Variants in SIPA1L2 observed in about 807,000 individuals in gnomAD.
SIPA1L2 encodes signal induced proliferation associated 1 like 2, also known as signal-induced proliferation-associated 1-like protein 2.
In SIPA1L2, 56 loss-of-function variants were observed where a neutral mutation model predicts 163.9. The ratio of observed to expected loss-of-function variants is 0.34; its 90% CI spans 0.28 to 0.43. The LOEUF (loss-of-function observed/expected upper bound fraction) is 0.43, where lower values mean the gene tolerates loss of function less well. SIPA1L2 is among the 20% of genes least tolerant of loss of function. SIPA1L2 has a pLI of 1.00. For synonymous variants in SIPA1L2, 877 were observed against 865.7 expected, an observed-to-expected ratio of 1.01 and a Z score of -0.23; for missense variants, 1,974 against 2,193.5, an observed-to-expected ratio of 0.90 and a Z score of 2.00.
In SIPA1L2 at chr1:232,478,340, C is replaced by T. The variant is rs576051718; in HGVS notation, c.2085+1287G>A. On this transcript the variant is annotated intron_variant, in intron 7 of 22. Coordinates refer to ENST00000674635, the MANE Select transcript of SIPA1L2 (RefSeq NM_020808.5). Reference sequence around the variant, plus strand: ...ATGAGATGGAAAATGGCAAGAAAATCCAGCTAGCAGTTACCATGAGAAGAG... The same window carrying T: ...ATGAGATGGAAAATGGCAAGAAAATTCAGCTAGCAGTTACCATGAGAAGAG... Among the ~76,000 whole-genome samples the T allele has an allele frequency of 7.2e-5, 11 of 152,174 alleles. No homozygotes were observed. In the South Asian group the frequency reaches 2.3e-3, roughly 32 times the overall value.
Position 232,493,555 on chromosome 1 carries a change from T to C in SIPA1L2, c.1589A>G (p.Asn530Ser). The stretch of plus-strand genomic sequence containing the variant: ...ACTTGTCCTGAAAGCCACCCTGTAG[T>C]TGAACTGGGATCCTTCTTTCTCCTT... ...DAKEKEGSQF[N>S]YRVAFRTSEL... is the part of the protein sequence containing the mutation. The change falls in exon 4 of 23, where the codon AAC becomes AGC. Residue 530 changes from asparagine to serine, a missense_variant. Asn to Ser is a conservative substitution (Grantham distance 46). Around this residue, in one of 3 missense-constraint regions of SIPA1L2, gnomAD observed 288 missense variants for 418.9 expected, o/e 0.69. Transcript: ENST00000674635. The C allele has an allele frequency of 6.2e-7, 1 of 1,614,146 alleles. No individual in the cohort carries two copies. Among genetic ancestry groups the C allele is most frequent in the African/African-American group, 1.3e-5 (1 of 75,048 alleles).
intron 2 of SIPA1L2, among the ~76,000 whole-genome samples, chr1:232,539,225 T>C (rs761438976): frequency 6.6e-6 from 1 of 152,188 alleles, no homozygotes; most frequent in African/African-American, 2.4e-5. Context: ...ACCCTTGGGG[T>C]AGGGTCTTAT....
chr1:232,569,071 A>G (rs1389060414), intron 2 of SIPA1L2, among the ~76,000 whole-genome samples: 1 of 152,198 alleles, frequency 6.6e-6, no homozygotes, highest in Non-Finnish European at 1.5e-5. Context: ...ACTGTATGAA[A>G]TCACTCTTGA....
intron 1 of SIPA1L2, among the ~76,000 whole-genome samples, chr1:232,605,601 G>C (rs1042321156): frequency 3.9e-5 from 6 of 152,174 alleles, no homozygotes; most frequent in Admixed American, 1.3e-4. Context: ...GGTTGAGGCA[G>C]GAGAATCGCT....
chr1:232,520,794 T>C (rs1332871006), intron 2 of SIPA1L2, among the ~76,000 whole-genome samples: 1 of 152,196 alleles, frequency 6.6e-6, no homozygotes, highest in Non-Finnish European at 1.5e-5. Context: ...CCTCTCTCTG[T>C]GGCCAAGAAG....
intron 3 of SIPA1L2, among the ~76,000 whole-genome samples, chr1:232,500,240 T>C (rs1234751508): frequency 1.3e-5 from 2 of 152,266 alleles, no homozygotes; most frequent in African/African-American, 2.4e-5. Flanking sequence ...GAGATTACTG[T>C]TGTTTTCATG....
chr1:232,556,724 T>TAAA (rs34422182), intron 2 of SIPA1L2, among the ~76,000 whole-genome samples: 1 of 145,150 alleles, frequency 6.9e-6, no homozygotes. Context: ...TACAAACAGT[T>TAAA]AAAAAAAAAA....
intron 10 of SIPA1L2, among the ~76,000 whole-genome samples, chr1:232,455,591 G>A (rs1167464151): frequency 6.6e-6 from 1 of 151,880 alleles, no homozygotes; most frequent in African/African-American, 2.4e-5. Context: ...TGAAGCAGGA[G>A]AATGGCGTGA....
At chr1:232,573,256 C>T (rs1489722727) in intron 2 of SIPA1L2, among the ~76,000 whole-genome samples, 3 of 152,124 alleles carry the variant, frequency 2.0e-5, no homozygotes, top group Non-Finnish European at 4.4e-5. Context: ...AGGACATTTT[C>T]GAGCAAATGG....
chr1:232,588,644 A>G (rs959881119), intron 1 of SIPA1L2, among the ~76,000 whole-genome samples: 12 of 152,220 alleles, frequency 7.9e-5, no homozygotes, highest in African/African-American at 2.2e-4. Flanking sequence ...ATTATCTGAA[A>G]GGAAATTCAA....
intron 10 of SIPA1L2, among the ~76,000 whole-genome samples, chr1:232,457,493 A>G (rs1366531301): frequency 6.6e-6 from 1 of 152,208 alleles, no homozygotes; most frequent in Non-Finnish European, 1.5e-5. Context: ...AGAAACACAC[A>G]CATGCATATA....
chr1:232,573,011 T>C (rs956554701), intron 2 of SIPA1L2, among the ~76,000 whole-genome samples: 7 of 151,768 alleles, frequency 4.6e-5, no homozygotes, highest in Non-Finnish European at 1.0e-4. Flanking sequence ...GAACTCCCCA[T>C]CTCAGGTGAT....
At chr1:232,419,343 T>C (rs1002714843) in intron 18 of SIPA1L2, among the ~76,000 whole-genome samples, 3 of 152,196 alleles carry the variant, frequency 2.0e-5, no homozygotes, top group African/African-American at 7.2e-5. Flanking sequence ...GATTAGAATA[T>C]CATGTAACTG....
At chr1:232,597,204 A>G (rs1661303559) in intron 1 of SIPA1L2, among the ~76,000 whole-genome samples, 1 of 152,192 alleles carries the variant, frequency 6.6e-6, no homozygotes, top group African/African-American at 2.4e-5. Context: ...CGATGAATAC[A>G]GCCAAAATTA....
chr1:232,546,967 T>C (rs1163724413), intron 2 of SIPA1L2, among the ~76,000 whole-genome samples: 1 of 152,028 alleles, frequency 6.6e-6, no homozygotes, highest in Non-Finnish European at 1.5e-5. Context: ...GCTGGCAAAA[T>C]TAAAGCATGA....
At chr1:232,492,527 A>G (rs1314564974) in intron 4 of SIPA1L2, among the ~76,000 whole-genome samples, 1 of 152,196 alleles carries the variant, frequency 6.6e-6, no homozygotes, top group Non-Finnish European at 1.5e-5. Flanking sequence ...TTAATTCTTT[A>G]TATAAATCAA....
chr1:232,473,339 A>C (rs1423887656), intron 7 of SIPA1L2, among the ~76,000 whole-genome samples: 1 of 152,252 alleles, frequency 6.6e-6, no homozygotes, highest in Non-Finnish European at 1.5e-5. Context: ...CTTGAAACAC[A>C]GGAATTCTCA....
At chr1:232,487,186 T>G (rs1410053888) in intron 5 of SIPA1L2, among the ~76,000 whole-genome samples, 1 of 152,226 alleles carries the variant, frequency 6.6e-6, no homozygotes, top group African/African-American at 2.4e-5. Flanking sequence ...ATTTTCTTTC[T>G]GAGACAGGAT....
intron 9 of SIPA1L2, chr1:232,462,304 A>G (rs1207715196): frequency 6.5e-7 from 1 of 1,549,088 alleles, no homozygotes; most frequent in Non-Finnish European, 8.7e-7. Flanking sequence ...TCATACTCCT[A>G]TCCCCAAAAG....
Sources: gnomAD v4.1 joint callset for allele counts (sites outside exome capture counted in the v4.1 genomes callset) on GRCh38, gnomAD v4.1.1 for gene constraint, gnomAD v4.1.1 regional missense constraint, MANE v1.5 for transcripts, NCBI Gene and HGNC (gene_info 2026-07-23, HGNC 2026-07-21) for gene names.